FERMT2: variants seen among roughly 807,000 people sequenced by gnomAD.
FERMT2 encodes FERM domain containing kindlin 2, also known as fermitin family homolog 2.
Under a neutral mutation model 82.7 loss-of-function variants are expected in FERMT2, and 15 were observed. The ratio of observed to expected loss-of-function variants is 0.18; its 90% CI spans 0.12 to 0.28. FERMT2 has a LOEUF of 0.28. Among genes scored for constraint, FERMT2 ranks in the 10% least tolerant of loss-of-function variants. The pLI is 1.00. For missense variants in FERMT2, 645 were observed against 809.4 expected (o/e 0.80, Z 2.46); for synonymous variants, 274 against 271.5 (o/e 1.01, Z -0.09).
chr14:52,938,778 G>A lies in FERMT2; in HGVS notation c.157+11634C>T, dbSNP rs114422366. Among the ~76,000 whole-genome samples the A allele has an allele frequency of 9.2e-3, 1,400 of 152,106 alleles. 21 individuals are homozygous for A. Among genetic ancestry groups the A allele is most frequent in the African/African-American group, 0.032 (1,316 of 41,490 alleles). On this transcript the variant is annotated intron_variant, in intron 2 of 14. Transcript: ENST00000341590. ...GTCAGGGTTTCGCCATGTTGGCTGG[G>A]CTGGTCTCCAACTCTGGCCTCAAGT...
intron 3 of FERMT2, among the ~76,000 whole-genome samples, chr14:52,898,193 G>A (rs572348543): frequency 6.6e-6 from 1 of 152,172 alleles, no homozygotes; most frequent in Admixed American, 6.5e-5. Flanking sequence ...TAAATTTGGG[G>A]TAAGTATATC....
intron 9 of FERMT2, chr14:52,873,791 T>C (rs890081052): frequency 4.3e-5 from 7 of 162,042 alleles, no homozygotes; most frequent in Non-Finnish European, 5.3e-5. Context: ...CATGAACAAA[T>C]GAACAGAGTT....
intron 3 of FERMT2, among the ~76,000 whole-genome samples, chr14:52,896,296 T>C (rs1392998761): frequency 6.6e-6 from 1 of 152,188 alleles, no homozygotes; most frequent in Non-Finnish European, 1.5e-5. Flanking sequence ...ACTACAAAAC[T>C]TGTAAAGCTG....
rs140340374 is a variant in FERMT2, at chr14:52,893,160, C to T, written c.526+133G>A. The T allele has an allele frequency of 5.1e-4, 364 of 710,542 alleles. 4 individuals carry two copies. In the African/African-American group the frequency reaches 6.0e-3, roughly 12 times the overall value. The allele number at this position is 710,542 out of a possible 1,614,324, so 44.0% of individuals were successfully genotyped here. A position where few individuals can be genotyped will look rare whatever the true frequency, so the allele number is the denominator to read the frequency against. ...TACAGGTGTGTGCCACCATGCCTGG[C>T]TAATTGAAGTTTTTGTTTTTTTAAC... is the stretch of plus-strand genomic sequence containing the variant. On this transcript the variant is annotated intron_variant, in intron 4 of 14. Transcript: ENST00000341590.
At chr14:52,893,700 T>C (rs1887086753) in intron 3 of FERMT2, among the ~76,000 whole-genome samples, 1 of 152,198 alleles carries the variant, frequency 6.6e-6, no homozygotes, top group Non-Finnish European at 1.5e-5. Context: ...TATTTATATA[T>C]TTATTTTTTA....
chr14:52,872,111 C>T (rs1885659094), intron 10 of FERMT2: 1 of 152,296 alleles, frequency 6.6e-6, no homozygotes, highest in Admixed American at 6.5e-5. Flanking sequence ...AGCAGGATGT[C>T]GAAGAAGAAA....
chr14:52,946,061 G>C (rs1271184042), intron 2 of FERMT2, among the ~76,000 whole-genome samples: 1 of 151,908 alleles, frequency 6.6e-6, no homozygotes, highest in Non-Finnish European at 1.5e-5. Context: ...ATTTTTAGTA[G>C]AGGCGGGGTT....
intron 10 of FERMT2, among the ~76,000 whole-genome samples, chr14:52,865,624 G>A (rs2140067264): frequency 6.6e-6 from 1 of 152,246 alleles, no homozygotes; most frequent in Non-Finnish European, 1.5e-5. Flanking sequence ...TATTCCAATT[G>A]TCCAAGAATG....
intron 2 of FERMT2, among the ~76,000 whole-genome samples, chr14:52,930,209 C>T (rs1245886075): frequency 6.6e-6 from 1 of 152,140 alleles, no homozygotes; most frequent in Admixed American, 6.5e-5. Context: ...GGAAATAAAA[C>T]TGAACAGACA....
At chr14:52,889,155 C>A (rs1316401101) in intron 4 of FERMT2, among the ~76,000 whole-genome samples, 2 of 152,050 alleles carry the variant, frequency 1.3e-5, no homozygotes. Flanking sequence ...CAGAATTGCT[C>A]AATTAATTAA....
In FERMT2 at chr14:52,872,942, TAAC is replaced by T. The variant is rs1309187627; in HGVS notation, c.1149-22_1149-20del. On this transcript the variant is annotated intron_variant, in intron 9 of 14. Coordinates refer to ENST00000341590, the MANE Select transcript of FERMT2 (RefSeq NM_006832.3). ...TTTTGGCCTATGTATCAAAGAGAAT[TAAC>T]AACAAAATCACTTGGAAGTAACTTT... is the stretch of plus-strand genomic sequence containing the variant. 2.8e-5 allele frequency: 45 copies of T among 1,609,236 alleles called. No homozygotes were observed. Among genetic ancestry groups the T allele is most frequent in the Non-Finnish European group, 3.8e-5 (45 of 1,177,498 alleles).
Position 52,881,289 on chromosome 14 carries a change from A to G in FERMT2, c.707T>C (p.Met236Thr). The G allele has an allele frequency of 2.5e-6, 4 of 1,614,038 alleles. No homozygotes were observed. The highest frequency in any genetic ancestry group is 8.5e-7 in the Non-Finnish European group (1 of 1,179,988). The change falls in exon 5 of 15, where the codon ATG (methionine) becomes ACG (threonine). Residue 236 changes from methionine to threonine, a missense_variant. Transcript: ENST00000341590. ...PITSPEILAK[M>T]FKPQALLDKA... ...ATCAAGAAGAGCTTGAGGCTTGAACATTTTTGCCAAGATTTCTGGTGACGT... is the reference window on the plus strand; with the variant it reads ...ATCAAGAAGAGCTTGAGGCTTGAACGTTTTTGCCAAGATTTCTGGTGACGT...
At chr14:52,874,376 A>G (rs1885823894) in intron 8 of FERMT2, 150 bp from the exon 9 acceptor site, 1 of 514,114 alleles carries the variant, frequency 1.9e-6, no homozygotes, top group Non-Finnish European at 3.3e-6. Flanking sequence ...CACATTACAT[A>G]GTCTTGTGGA....
At chr14:52,889,498 A>G (rs918008056) in intron 4 of FERMT2, among the ~76,000 whole-genome samples, 2 of 152,212 alleles carry the variant, frequency 1.3e-5, no homozygotes, top group African/African-American at 4.8e-5. Flanking sequence ...CTGCTTGGGC[A>G]CAAGCTAGCC....
intron 12 of FERMT2, chr14:52,861,157 G>T: frequency 1.2e-6 from 1 of 812,020 alleles, no homozygotes. Flanking sequence ...CCAGCCAAAA[G>T]TCATGCAAAA....
intron 10 of FERMT2, among the ~76,000 whole-genome samples, chr14:52,868,059 C>G (rs539354289): frequency 1.3e-5 from 2 of 152,074 alleles, no homozygotes; most frequent in Non-Finnish European, 2.9e-5. Flanking sequence ...GCTGCCAGTT[C>G]AAAAAGCAAT....
At chr14:52,865,621 A>G (rs1885225946) in intron 10 of FERMT2, among the ~76,000 whole-genome samples, 1 of 152,190 alleles carries the variant, frequency 6.6e-6, no homozygotes, top group South Asian at 2.1e-4. Context: ...GCTTATTCCA[A>G]TTGTCCAAGA....
At chr14:52,916,125 C>T (rs1888599366) in intron 3 of FERMT2, among the ~76,000 whole-genome samples, 1 of 152,052 alleles carries the variant, frequency 6.6e-6, no homozygotes, top group African/African-American at 2.4e-5. Flanking sequence ...GGGTGGATCG[C>T]CTGAGGTCAG....
At chr14:52,881,822 T>G (rs62003529) in intron 4 of FERMT2, 218,745 of 1,289,618 alleles carry the variant, frequency 0.17, 20,299 homozygotes, top group Middle Eastern at 0.19. Context: ...GTAAAGAACA[T>G]CAGTGCCTAT....
Sources: allele counts gnomAD v4.1 joint callset (sites outside exome capture counted in the v4.1 genomes callset), GRCh38; gene constraint gnomAD v4.1.1; transcripts MANE v1.5; gene names NCBI Gene and HGNC (gene_info 2026-07-23, HGNC 2026-07-21).